Variants in PTPRG observed in about 807,000 individuals in gnomAD.
PTPRG encodes the protein receptor-type tyrosine-protein phosphatase gamma.
PTPRG carries 102 observed loss-of-function variants against 165.3 expected under a neutral mutation model. The ratio of observed to expected loss-of-function variants is 0.62; its 90% CI spans 0.53 to 0.73. The LOEUF (loss-of-function observed/expected upper bound fraction) is 0.73, where lower values mean the gene tolerates loss of function less well. PTPRG is among the 30% of genes least tolerant of loss of function. The pLI is 0.00. For synonymous variants in PTPRG, 675 were observed against 669.5 expected (o/e 1.01, Z -0.13); for missense variants, 1,866 against 1,861.4 (o/e 1.00, Z -0.05).
chr3:62,275,734 C>A (rs1702208982), intron 23 of PTPRG, 139 bp from the exon 24 acceptor site: 1 of 616,482 alleles, frequency 1.6e-6, no homozygotes, highest in Non-Finnish European at 2.8e-6. Flanking sequence ...GAGAGCAAGA[C>A]CCTGTGTCTT....
At chr3:62,289,843 C>T (rs1465240764) in intron 28 of PTPRG, among the ~76,000 whole-genome samples, 2 of 151,904 alleles carry the variant, frequency 1.3e-5, no homozygotes, top group East Asian at 3.9e-4. Flanking sequence ...ATACATGATA[C>T]TTGCTTTCAG....
At chr3:61,858,039 G>T (rs528293304) in intron 2 of PTPRG, among the ~76,000 whole-genome samples, 1 of 152,212 alleles carries the variant, frequency 6.6e-6, no homozygotes, top group South Asian at 2.1e-4. Flanking sequence ...AGAACCACTG[G>T]CTTAAACTGA....
chr3:62,225,674 A>G (rs1207435842), intron 13 of PTPRG, among the ~76,000 whole-genome samples: 6 of 132,112 alleles, frequency 4.5e-5, no homozygotes, highest in Middle Eastern at 4.3e-3. Context: ...TTTTTTTTTG[A>G]GATGGAGTTT....
chr3:61,707,801 A>G (rs984889264), intron 1 of PTPRG, among the ~76,000 whole-genome samples: 1 of 152,030 alleles, frequency 6.6e-6, no homozygotes, highest in African/African-American at 2.4e-5. Context: ...TTTTATTATT[A>G]TTTTTGAGAC....
chr3:61,597,039 G>A (rs1013856291), intron 1 of PTPRG, among the ~76,000 whole-genome samples: 1 of 152,120 alleles, frequency 6.6e-6, no homozygotes. Flanking sequence ...TCTTCTCGCT[G>A]TGTCATCCCT....
At chr3:62,042,195 C>T (rs564720705) in intron 4 of PTPRG, among the ~76,000 whole-genome samples, 134 of 152,238 alleles carry the variant, frequency 8.8e-4, no homozygotes, top group African/African-American at 2.9e-3. Flanking sequence ...TAACCTGGAG[C>T]TTCCACACCA....
chr3:61,958,008 G>A (rs2040071272), intron 2 of PTPRG, among the ~76,000 whole-genome samples: 2 of 152,068 alleles, frequency 1.3e-5, no homozygotes, highest in African/African-American at 4.8e-5. Context: ...TTTCTGGTTT[G>A]TTAGTTATCC....
chr3:61,828,384 A>T (rs2036172742), intron 2 of PTPRG, among the ~76,000 whole-genome samples: 1 of 152,242 alleles, frequency 6.6e-6, no homozygotes, highest in African/African-American at 2.4e-5. Flanking sequence ...TACCAGGCAT[A>T]GTCAGTAGCG....
chr3:61,693,191 A>G (rs1387160347), intron 1 of PTPRG, among the ~76,000 whole-genome samples: 2 of 152,220 alleles, frequency 1.3e-5, no homozygotes, highest in African/African-American at 2.4e-5. Context: ...CTATTTAGCG[A>G]GATGTATAAA....
intron 13 of PTPRG, among the ~76,000 whole-genome samples, chr3:62,226,750 C>G (rs1434265266): frequency 1.3e-5 from 2 of 152,220 alleles, no homozygotes; most frequent in Admixed American, 6.5e-5. Flanking sequence ...ATTTCACACT[C>G]TGATCTGGTA....
intron 2 of PTPRG, among the ~76,000 whole-genome samples, chr3:61,882,299 C>A (rs998503057): frequency 6.6e-6 from 1 of 152,176 alleles, no homozygotes; most frequent in African/African-American, 2.4e-5. Flanking sequence ...ACTTGCTCAG[C>A]TGGAATTGCT....
chr3:62,143,277 C>T (rs1439290257), intron 6 of PTPRG, among the ~76,000 whole-genome samples: 1 of 152,156 alleles, frequency 6.6e-6, no homozygotes, highest in Non-Finnish European at 1.5e-5. Context: ...CTGAAAATAT[C>T]TTTTGTGGAC....
intron 6 of PTPRG, among the ~76,000 whole-genome samples, chr3:62,151,499 G>T (rs9826777): frequency 6.6e-6 from 1 of 151,528 alleles, no homozygotes; most frequent in Admixed American, 6.6e-5. Flanking sequence ...ATTTAGCATC[G>T]CTGTTCCTCA....
intron 8 of PTPRG, among the ~76,000 whole-genome samples, chr3:62,186,567 C>CTTTTTTTTTTTTTTTTTTTTTTT (rs35133425): frequency 1.7e-5 from 2 of 117,542 alleles, no homozygotes; most frequent in African/African-American, 7.0e-5. Context: ...TTTTCTTTTC[C>CTTTTTTTTTTTTTTTTTTTTTTT]TTTTTTTTTT....
At chr3:61,712,274 T>A (rs530341002) in intron 1 of PTPRG, among the ~76,000 whole-genome samples, 215 of 152,266 alleles carry the variant, frequency 1.4e-3, no homozygotes, top group African/African-American at 5.0e-3. Context: ...AATTTTTATA[T>A]AGAAAAAATA....
chr3:62,124,811 G>T (rs1401212107), intron 5 of PTPRG, among the ~76,000 whole-genome samples: 2 of 152,164 alleles, frequency 1.3e-5, no homozygotes, highest in Non-Finnish European at 2.9e-5. Flanking sequence ...TCCTGCCTCA[G>T]CCTCCCAAAG....
chr3:61,869,823 C>T (rs957268199), intron 2 of PTPRG, among the ~76,000 whole-genome samples: 2 of 152,026 alleles, frequency 1.3e-5, no homozygotes, highest in South Asian at 4.1e-4. Flanking sequence ...CTGGTCTCAA[C>T]CTTCTGGGCT....
rs1487640623 is a variant in PTPRG at position 62,281,588 on chromosome 3, C to A, written c.3791C>A (p.Pro1264Gln). 2 of 1,384,414 alleles carry A rather than the reference C, an allele frequency of 1.4e-6. No individual in the cohort carries two copies. Among genetic ancestry groups the A allele is most frequent in the African/African-American group, 1.8e-5 (1 of 56,416 alleles). The allele number at this position is 1,384,414 out of a possible 1,614,324, so 85.8% of individuals were successfully genotyped here. A position where few individuals can be genotyped will look rare whatever the true frequency, so the allele number is the denominator to read the frequency against. ...GCAGAAGATGAGTTTGTGTACTGGCCAAGTCGAGAAGAATCCATGAACTGT... is the reference window on the plus strand; with the variant it reads ...GCAGAAGATGAGTTTGTGTACTGGCAAAGTCGAGAAGAATCCATGAACTGT... ...SLAEDEFVYW[P>Q]SREESMNCEA... Residue 1264 changes from proline (P) to glutamine (Q), a missense_variant, in exon 27 of 30, where the codon CCA becomes CAA. This residue lies in a region of PTPRG where 1,452 missense variants were observed against 1,463.0 expected (regional missense o/e 0.99). Transcript: ENST00000474889.
chr3:62,167,867 C>G, intron 7 of PTPRG, 104 bp from the exon 8 acceptor site: 1 of 1,188,144 alleles, frequency 8.4e-7, no homozygotes, highest in South Asian at 1.4e-5. Flanking sequence ...CCGTTTCATG[C>G]TCTTATCACC....
Sources: allele counts gnomAD v4.1 joint callset (sites outside exome capture counted in the v4.1 genomes callset), GRCh38; gene constraint gnomAD v4.1.1; regional missense constraint gnomAD v4.1.1; transcripts MANE v1.5; gene names NCBI Gene and HGNC (gene_info 2026-07-23, HGNC 2026-07-21).